Variants in ANKS1B observed in about 807,000 individuals in gnomAD.
ANKS1B encodes the protein ankyrin repeat and sterile alpha motif domain-containing protein 1B.
A neutral mutation model predicts 148.3 loss-of-function variants in ANKS1B; 36 were observed. The ratio of observed to expected loss-of-function variants is 0.24; its 90% CI spans 0.19 to 0.32. The LOEUF (loss-of-function observed/expected upper bound fraction) is 0.32, where lower values mean the gene tolerates loss of function less well. ANKS1B is among the 10% of genes least tolerant of loss of function. ANKS1B has a pLI of 1.00. For missense variants in ANKS1B, 1,157 were observed against 1,542.6 expected (o/e 0.75, Z 4.19); for synonymous variants, 542 against 560.8 (o/e 0.97, Z 0.47).
intron 12 of ANKS1B, among the ~76,000 whole-genome samples, chr12:99,266,939 G>A (rs912590517): frequency 2.0e-5 from 3 of 152,134 alleles, no homozygotes; most frequent in Admixed American, 1.3e-4. Flanking sequence ...GAATTGCCTG[G>A]TTTACTGTTA....
At chr12:99,780,083 G>T in intron 5 of ANKS1B, 111 bp from the exon 6 acceptor site, 1 of 774,412 alleles carries the variant, frequency 1.3e-6, no homozygotes, top group Non-Finnish European at 2.1e-6. Flanking sequence ...AGCATTGAAA[G>T]TGATTTTTAA....
At chr12:99,284,113 C>T (rs902793248) in intron 12 of ANKS1B, among the ~76,000 whole-genome samples, 10 of 151,978 alleles carry the variant, frequency 6.6e-5, no homozygotes, top group African/African-American at 9.7e-5. Flanking sequence ...AGAGTAACAC[C>T]GAAACTTACC....
chr12:99,878,989 G>A (rs1238243113), intron 1 of ANKS1B, among the ~76,000 whole-genome samples: 6 of 152,042 alleles, frequency 3.9e-5, no homozygotes, highest in African/African-American at 1.4e-4. Flanking sequence ...CTCTTTTCCT[G>A]TTGGAGTTTC....
At chr12:99,287,088 C>A (rs11503240) in intron 12 of ANKS1B, among the ~76,000 whole-genome samples, 16,877 of 152,098 alleles carry the variant, frequency 0.11, 2,482 homozygotes, top group African/African-American at 0.34. Context: ...CACCTCAGGA[C>A]ATTGACAAGA....
intron 9 of ANKS1B, among the ~76,000 whole-genome samples, chr12:99,561,325 G>A (rs981062566): frequency 1.7e-4 from 26 of 152,142 alleles, no homozygotes; most frequent in African/African-American, 6.3e-4. Context: ...CTAAGTTTCT[G>A]TAATATTTTA....
At chr12:99,507,811 T>G (rs962705863) in intron 9 of ANKS1B, among the ~76,000 whole-genome samples, 4 of 151,834 alleles carry the variant, frequency 2.6e-5, no homozygotes, top group Admixed American at 1.3e-4. Flanking sequence ...AAAGAGGATA[T>G]GCAAGATAAT....
intron 9 of ANKS1B, among the ~76,000 whole-genome samples, chr12:99,587,644 G>A (rs1014757892): frequency 2.6e-5 from 4 of 152,156 alleles, no homozygotes; most frequent in Admixed American, 2.6e-4. Context: ...CACATAAAAT[G>A]CTGTGTTCTC....
At chr12:98,998,828 G>C (rs143449134) in intron 17 of ANKS1B, among the ~76,000 whole-genome samples, 6 of 152,128 alleles carry the variant, frequency 3.9e-5, no homozygotes, top group Non-Finnish European at 8.8e-5. Flanking sequence ...TTTGGGATAC[G>C]AAGTGATGGA....
At chr12:98,879,316 A>C (rs1280398283) in intron 17 of ANKS1B, among the ~76,000 whole-genome samples, 1 of 152,244 alleles carries the variant, frequency 6.6e-6, no homozygotes, top group Non-Finnish European at 1.5e-5. Context: ...TGTGCAAGGT[A>C]GATATCATCA....
intron 10 of ANKS1B, among the ~76,000 whole-genome samples, chr12:99,461,048 G>A (rs1313601881): frequency 2.1e-5 from 3 of 145,296 alleles, no homozygotes; most frequent in African/African-American, 5.2e-5. Context: ...ATATATACAT[G>A]TATATATATA....
chr12:99,670,130 A>T (rs184699587), intron 8 of ANKS1B, among the ~76,000 whole-genome samples: 1 of 152,290 alleles, frequency 6.6e-6, no homozygotes, highest in Admixed American at 6.5e-5. Context: ...TATTATTCAT[A>T]TCTGTTTCTC....
At chr12:99,097,510 A>G (rs1295579866) in intron 15 of ANKS1B, 1 of 152,218 alleles carries the variant, frequency 6.6e-6, no homozygotes, top group South Asian at 2.1e-4. Context: ...TACAAGGAGC[A>G]TAAATAAATT....
rs2097830526 is a variant in ANKS1B at position 98,744,084 on chromosome 12, C to CTGTT, written c.*1651_*1654dup. On this transcript the variant is annotated 3_prime_UTR_variant, in exon 27 of 27. Transcript: ENST00000683438. ...CCCAAGCTTATTTACACATATGCTT[C>CTGTT]TGTTTCAGCAAAGCTCCTATTAACT... 3 of 984,502 alleles carry CTGTT rather than the reference C, an allele frequency of 3.0e-6. No individual in the cohort carries two copies. The highest frequency in any genetic ancestry group is 3.6e-6 in the Non-Finnish European group (3 of 828,756). The allele number at this position is 984,502 out of a possible 1,614,324, so 61.0% of individuals were successfully genotyped here.
chr12:99,555,190 C>G (rs1398086), intron 9 of ANKS1B, among the ~76,000 whole-genome samples: 2,139 of 152,102 alleles, frequency 0.014, 52 homozygotes, highest in African/African-American at 0.049. Flanking sequence ...GGAATTACTG[C>G]GTGAAATGGT....
rs397850118 is a variant in ANKS1B at position 98,802,594 on chromosome 12, CTTTTTTTTTTTTTTTTTTTTTT to C, written c.3142-1491_3142-1470del. Among the ~76,000 whole-genome samples, 97 of 34,788 alleles carry C rather than the reference CTTTTTTTTTTTTTTTTTTTTTT, an allele frequency of 2.8e-3. 2 individuals carry two copies. Among genetic ancestry groups the C allele is most frequent in the African/African-American group, 9.6e-3 (91 of 9,500 alleles). The allele number at this position is 34,788 out of a possible 152,430, so 22.8% of individuals were successfully genotyped here. ...CTAGAGGACTTCAGTAATGCACAGG[CTTTTTTTTTTTTTTTTTTTTTT>C]TTTTTTTTTTTTTTTAGCAGTGGAG... On this transcript the variant is annotated intron_variant, in intron 20 of 26. Transcript: ENST00000683438.
chr12:99,720,917 C>T (rs2058021919), intron 8 of ANKS1B, among the ~76,000 whole-genome samples: 1 of 152,236 alleles, frequency 6.6e-6, no homozygotes, highest in South Asian at 2.1e-4. Context: ...CCACTCTTAA[C>T]TCTTAAAGTA....
intron 17 of ANKS1B, among the ~76,000 whole-genome samples, chr12:98,904,637 G>T (rs2099776499): frequency 6.6e-6 from 1 of 152,226 alleles, no homozygotes; most frequent in Non-Finnish European, 1.5e-5. Context: ...CCAGAAGGCA[G>T]AGGAGAGGAT....
At chr12:99,668,287 T>C (rs1361182118) in intron 8 of ANKS1B, among the ~76,000 whole-genome samples, 1 of 152,132 alleles carries the variant, frequency 6.6e-6, no homozygotes. Flanking sequence ...ATTGTTCCTT[T>C]ATTATTCTAT....
intron 17 of ANKS1B, among the ~76,000 whole-genome samples, chr12:98,975,299 T>C (rs770227446): frequency 1.4e-4 from 19 of 139,774 alleles, no homozygotes; most frequent in Non-Finnish European, 2.5e-4. Flanking sequence ...TCTACCTCCC[T>C]CCCTCCTTCC....
Sources: gnomAD v4.1 joint callset for allele counts (sites outside exome capture counted in the v4.1 genomes callset) on GRCh38, gnomAD v4.1.1 for gene constraint, MANE v1.5 for transcripts, NCBI Gene and HGNC (gene_info 2026-07-23, HGNC 2026-07-21) for gene names.